The following CSMD1 variants were observed in gnomAD, a reference collection of about 807,000 sequenced individuals.
The protein encoded by CSMD1 is CUB and Sushi multiple domains 1.
CSMD1 carries 213 observed loss-of-function variants against 417.5 expected under a neutral mutation model. That is an observed-to-expected ratio of 0.51 (90% CI 0.46 to 0.57). CSMD1 has a LOEUF of 0.57. Ranked by LOEUF, CSMD1 falls within the 20% of genes least tolerant of loss-of-function variation. CSMD1 has a pLI of 0.00. For missense variants in CSMD1, 6,923 were observed against 4,529.7 expected (o/e 1.53, Z -15.17); for synonymous variants, 2,862 against 1,736.8 (o/e 1.65, Z -16.11).
chr8:3,541,843 T>C (rs1189839086), intron 10 of CSMD1, among the ~76,000 whole-genome samples: 1 of 151,840 alleles, frequency 6.6e-6, no homozygotes, highest in African/African-American at 2.4e-5. Flanking sequence ...ATTCCAACAC[T>C]TTGATGTTAG....
At chr8:4,994,134 C>A (rs1811628600) in intron 1 of CSMD1, among the ~76,000 whole-genome samples, 198 bp downstream of exon 1, 1 of 141,910 alleles carries the variant, frequency 7.0e-6, no homozygotes, top group Admixed American at 6.9e-5. Flanking sequence ...CGGGGTGGGG[C>A]GGGGGCCCAG....
At chr8:3,687,828 T>G (rs1017766815) in intron 7 of CSMD1, among the ~76,000 whole-genome samples, 1 of 152,220 alleles carries the variant, frequency 6.6e-6, no homozygotes, top group African/African-American at 2.4e-5. Context: ...AAGGTAGCAC[T>G]GCTCTCTCAG....
At chr8:3,037,128 T>A (rs540619811) in intron 50 of CSMD1, among the ~76,000 whole-genome samples, 1 of 152,322 alleles carries the variant, frequency 6.6e-6, no homozygotes, top group Non-Finnish European at 1.5e-5. Flanking sequence ...TCCAGCTCCA[T>A]CCAAGTCCCT....
chr8:3,192,749 G>C (rs747486087), intron 33 of CSMD1, among the ~76,000 whole-genome samples: 1 of 152,216 alleles, frequency 6.6e-6, no homozygotes. Flanking sequence ...TCCATCACAG[G>C]AGGTCAGGTG....
Position 3,134,383 on chromosome 8 carries a change from C to T in CSMD1, c.6241+8082G>A, listed in dbSNP as rs370291791. Among the ~76,000 whole-genome samples the T allele has an allele frequency of 1.6e-3, 241 of 152,248 alleles. 9 individuals are homozygous for T. In the South Asian group the frequency reaches 0.028, roughly 18 times the overall value. ...CCACGGTCACAGGCAGCACCTGCAT[C>T]CAACCACGAAGGCATGCGCTGCAAG... On this transcript the variant is annotated intron_variant, in intron 41 of 69. Coordinates refer to ENST00000635120, the MANE Select transcript of CSMD1 (RefSeq NM_033225.6).
intron 4 of CSMD1, among the ~76,000 whole-genome samples, chr8:4,008,062 A>G (rs1400068912): frequency 2.0e-5 from 3 of 152,242 alleles, no homozygotes; most frequent in Non-Finnish European, 4.4e-5. Flanking sequence ...CAGGAAAACC[A>G]CAAGTCCAGG....
chr8:4,309,677 A>G (rs1442203419), intron 3 of CSMD1, among the ~76,000 whole-genome samples: 1 of 152,122 alleles, frequency 6.6e-6, no homozygotes, highest in Non-Finnish European at 1.5e-5. Context: ...ATATCACCTT[A>G]CACATTTTTT....
At chr8:3,919,394 T>G (rs1809067559) in intron 5 of CSMD1, among the ~76,000 whole-genome samples, 1 of 152,114 alleles carries the variant, frequency 6.6e-6, no homozygotes, top group Admixed American at 6.6e-5. Context: ...GAAGAGACTC[T>G]CTTTTCCCCC....
chr8:3,588,624 A>G (rs1800705320), intron 8 of CSMD1, among the ~76,000 whole-genome samples: 2 of 152,120 alleles, frequency 1.3e-5, no homozygotes. Context: ...ACATCCAACC[A>G]ATATTCCTTT....
chr8:4,800,090 A>AT lies in CSMD1; in HGVS notation c.86-162533dup, dbSNP rs1362204552. ...TGATATAAAATTGAATATCCTGTGT[A>AT]TTTTTTATATAAAGCGTATCCTTTT... On this transcript the variant is annotated intron_variant, in intron 1 of 69. Transcript: ENST00000635120. 2.6e-5 allele frequency among the ~76,000 whole-genome samples: 4 copies of AT among 152,300 alleles called. No individual in the cohort carries two copies. In the East Asian group the frequency reaches 5.8e-4, roughly 22 times the overall value.
intron 25 of CSMD1, among the ~76,000 whole-genome samples, chr8:3,305,905 C>T (rs1016202682): frequency 1.3e-5 from 2 of 152,064 alleles, no homozygotes; most frequent in Non-Finnish European, 2.9e-5. Flanking sequence ...TGATCTTGAT[C>T]TCCTCACCTG....
At chr8:4,306,671 T>C (rs1221896692) in intron 3 of CSMD1, among the ~76,000 whole-genome samples, 1 of 152,114 alleles carries the variant, frequency 6.6e-6, no homozygotes, top group East Asian at 1.9e-4. Flanking sequence ...TAGGTGATTG[T>C]ACAATTCACA....
At chr8:4,074,377 G>A (rs34379620) in intron 3 of CSMD1, among the ~76,000 whole-genome samples, 15,451 of 152,096 alleles carry the variant, frequency 0.1, 882 homozygotes, top group Non-Finnish European at 0.12. Context: ...AATGATAGCA[G>A]TATTTTCAAT....
At chr8:4,198,564 G>T (rs908233155) in intron 3 of CSMD1, among the ~76,000 whole-genome samples, 1 of 152,100 alleles carries the variant, frequency 6.6e-6, no homozygotes, top group Admixed American at 6.5e-5. Flanking sequence ...TTTCAGGAAC[G>T]TGCACAAGGA....
chr8:4,283,538 G>A (rs1477811856), intron 3 of CSMD1, among the ~76,000 whole-genome samples: 4 of 152,032 alleles, frequency 2.6e-5, no homozygotes, highest in South Asian at 4.2e-4. Context: ...TCATTTTATA[G>A]AACTCAAGTT....
chr8:4,295,516 C>A (rs917397519), intron 3 of CSMD1, among the ~76,000 whole-genome samples: 19 of 142,840 alleles, frequency 1.3e-4, no homozygotes, highest in African/African-American at 4.8e-4. Flanking sequence ...CACATATAAT[C>A]TTATATATAT....
intron 2 of CSMD1, among the ~76,000 whole-genome samples, chr8:4,586,379 G>C (rs770425870): frequency 6.6e-6 from 1 of 152,066 alleles, no homozygotes; most frequent in Non-Finnish European, 1.5e-5. Flanking sequence ...GATTTTAAAG[G>C]TTACATAAAC....
intron 4 of CSMD1, among the ~76,000 whole-genome samples, chr8:4,023,584 T>TA (rs1491213214): frequency 5.3e-3 from 157 of 29,902 alleles, no homozygotes; most frequent in African/African-American, 0.021. Context: ...GCTTTTCAAC[T>TA]TTTTTTTTTT....
chr8:4,401,157 A>G (rs2128928985), intron 3 of CSMD1, among the ~76,000 whole-genome samples: 1 of 152,290 alleles, frequency 6.6e-6, no homozygotes, highest in East Asian at 1.9e-4. Context: ...TCGAGGATTC[A>G]TCAAAACAGG....
Sources: allele counts gnomAD v4.1 joint callset (sites outside exome capture counted in the v4.1 genomes callset), GRCh38; gene constraint gnomAD v4.1.1; transcripts MANE v1.5; gene names NCBI Gene and HGNC (gene_info 2026-07-23, HGNC 2026-07-21).